VPS53: variants seen among roughly 807,000 people sequenced by gnomAD.
VPS53 encodes vacuolar protein sorting-associated protein 53 homolog.
VPS53 carries 70 observed loss-of-function variants against 107.0 expected under a neutral mutation model. That is an observed-to-expected ratio of 0.65 (90% CI 0.54 to 0.80). The LOEUF is 0.80. VPS53 is among the 30% of genes least tolerant of loss of function. The pLI is 0.00. For synonymous variants in VPS53, 409 were observed against 393.3 expected (o/e 1.04, Z -0.47); for missense variants, 917 against 1,049.4 (o/e 0.87, Z 1.74).
At chr17:710,124 G>A (rs1042786357) in intron 2 of VPS53, among the ~76,000 whole-genome samples, 6 of 152,010 alleles carry the variant, frequency 3.9e-5, no homozygotes, top group African/African-American at 7.2e-5. Context: ...CAGCCTGAAC[G>A]ACAACAGCAA....
intron 4 of VPS53, among the ~76,000 whole-genome samples, chr17:677,208 T>C (rs1229518279): frequency 1.3e-5 from 2 of 152,144 alleles, no homozygotes; most frequent in Non-Finnish European, 2.9e-5. Flanking sequence ...CAAGTGTCCA[T>C]GGACAGATGA....
chr17:567,455 TGCGTAAGG>T (rs1007037688), intron 13 of VPS53, among the ~76,000 whole-genome samples: 2 of 151,902 alleles, frequency 1.3e-5, no homozygotes, highest in African/African-American at 4.8e-5. Context: ...CCAATGGGAA[TGCGTAAGG>T]CTCATTAGTT....
rs188581244 is a variant in VPS53, at chr17:609,972, A to T, written c.1117-8076T>A. On this transcript the variant is annotated intron_variant, in intron 11 of 21. Transcript: ENST00000437048. ...GTGAAACCGTCTCTACTAAAAATAT[A>T]AAAAAAAAAATTAGCCAGGCGTGGT... Among the ~76,000 whole-genome samples, 137 of 147,950 alleles carry T rather than the reference A, an allele frequency of 9.3e-4. 1 individual carries two copies. In the East Asian group the frequency reaches 0.024, roughly 25 times the overall value.
At chr17:522,273 C>G (rs1908820627) in intron 19 of VPS53, among the ~76,000 whole-genome samples, 1 of 152,168 alleles carries the variant, frequency 6.6e-6, no homozygotes, top group Admixed American at 6.5e-5. Flanking sequence ...CAAACCACAA[C>G]TCCTCCATAA....
intron 11 of VPS53, among the ~76,000 whole-genome samples, chr17:612,625 T>C (rs1206596634): frequency 3.3e-4 from 47 of 142,008 alleles, no homozygotes; most frequent in Admixed American, 1.4e-3. Context: ...CAAATATTCA[T>C]ATAGTGAGTT....
chr17:646,974 C>G lies in VPS53; in HGVS notation c.608+6317G>C, dbSNP rs190273497. Among the ~76,000 whole-genome samples the G allele has an allele frequency of 2.0e-4, 31 of 152,342 alleles. No individual in the cohort carries two copies. In the East Asian group the frequency reaches 6.0e-3, roughly 29 times the overall value. On this transcript the variant is annotated intron_variant, in intron 7 of 21. Coordinates refer to ENST00000437048, the MANE Select transcript of VPS53 (RefSeq NM_001128159.3). ...TAATCCACTAGACTTTTACAAAATA[C>G]AAGTGAGATCATGCCCCCCGCACTT...
intron 17 of VPS53, among the ~76,000 whole-genome samples, chr17:541,515 T>A (rs551676569): frequency 6.7e-6 from 1 of 150,328 alleles, no homozygotes; most frequent in Admixed American, 6.6e-5. Flanking sequence ...AAGCACCTAC[T>A]ACGCACTGAA....
At chr17:599,353 G>C (rs140628747) in intron 12 of VPS53, among the ~76,000 whole-genome samples, 1 of 152,196 alleles carries the variant, frequency 6.6e-6, no homozygotes, top group South Asian at 2.1e-4. Context: ...GATGGTTGCC[G>C]TGTCTGTGTA....
intron 2 of VPS53, among the ~76,000 whole-genome samples, chr17:706,965 C>T (rs1279708850): frequency 2.0e-5 from 3 of 152,140 alleles, no homozygotes; most frequent in Non-Finnish European, 2.9e-5. Flanking sequence ...ATTTTAAAAA[C>T]GTGAATGTGC....
chr17:653,907 G>A lies in VPS53; in HGVS notation c.489-497C>T, dbSNP rs139608048. Among the ~76,000 whole-genome samples, 84 of 152,226 alleles carry A rather than the reference G, an allele frequency of 5.5e-4. 1 individual carries two copies. The highest frequency in any genetic ancestry group is 2.0e-3 in the African/African-American group (83 of 41,554). On this transcript the variant is annotated intron_variant, in intron 6 of 21. Coordinates refer to ENST00000437048, the MANE Select transcript of VPS53 (RefSeq NM_001128159.3). ...CGCGGTGGCTCAGCCTGTCATCCCC[G>A]CGCTGTGGGAGGCCGAGGTGGCTCA...
intron 18 of VPS53, 113 bp downstream of exon 18, chr17:536,915 C>A (rs1404727589): frequency 1.5e-6 from 2 of 1,377,394 alleles, no homozygotes; most frequent in East Asian, 5.0e-5. Flanking sequence ...GTCAGGTACA[C>A]GGGAAATCTC....
At position 560,537 on chromosome 17, in the gene VPS53, G is replaced by A. The variant is rs1912845753; in HGVS notation, c.1593C>T (p.Ser531=). 6.2e-7 allele frequency: 1 copy of A among 1,613,918 alleles called. No individual in the cohort carries two copies. Among genetic ancestry groups the A allele is most frequent in the African/African-American group, 1.3e-5 (1 of 74,896 alleles). ...CTGAGCCCTCCTTTTCCTTGAGGAG[G>A]CTGCTGATAGTCAGTCCTCCACTGC... ...TTSSGGLTIS[S]LLKEKEGSEV... is the part of the protein sequence containing the mutation. Residue 531 remains serine, a synonymous_variant, in exon 15 of 22, where the codon AGC becomes AGT. Coordinates refer to ENST00000437048, the MANE Select transcript of VPS53 (RefSeq NM_001128159.3).
Position 631,638 on chromosome 17 carries a change from A to G in VPS53, c.609-10T>C, listed in dbSNP as rs749022278. The G allele has an allele frequency of 2.5e-6, 4 of 1,613,222 alleles. No individual in the cohort carries two copies. Among genetic ancestry groups the G allele is most frequent in the Non-Finnish European group, 3.4e-6 (4 of 1,179,228 alleles). ...CTGTGCAGCCTTCACTCTGTGAGGAAGAGAGAACATATCATCACCTGGCAT... is the reference window on the plus strand; with the variant it reads ...CTGTGCAGCCTTCACTCTGTGAGGAGGAGAGAACATATCATCACCTGGCAT... On this transcript the variant is annotated splice_polypyrimidine_tract_variant and intron_variant, in intron 7 of 21. Coordinates refer to ENST00000437048, the MANE Select transcript of VPS53 (RefSeq NM_001128159.3).
rs76275894 is a variant in VPS53 at position 669,230 on chromosome 17, C to T, written c.286-7335G>A. 1.8e-3 allele frequency among the ~76,000 whole-genome samples: 272 copies of T among 152,276 alleles called. 4 individuals carry two copies. In the East Asian group the frequency reaches 0.041, roughly 23 times the overall value. ...TTTAAGAAACACAAAAATACCTTCACTACCTGGCTAATCAGAAATGTGCTG... is the reference window on the plus strand; with the variant it reads ...TTTAAGAAACACAAAAATACCTTCATTACCTGGCTAATCAGAAATGTGCTG... On this transcript the variant is annotated intron_variant, in intron 4 of 21. Transcript: ENST00000437048.
intron 7 of VPS53, among the ~76,000 whole-genome samples, chr17:648,737 T>G (rs1209866154): frequency 2.0e-5 from 3 of 146,918 alleles, no homozygotes; most frequent in African/African-American, 7.5e-5. Flanking sequence ...ACTGAAGATC[T>G]TACACTATAG....
chr17:661,911 TACATGAAAA>T lies in VPS53; in HGVS notation c.286-25_286-17del, dbSNP rs762124015. On this transcript the variant is annotated splice_polypyrimidine_tract_variant and intron_variant, in intron 4 of 21. Transcript: ENST00000437048. ...CTTCAAGCGCCTAGAGTAAGGGAAATACATGAAAAACAAAAAGTGGCTAGAGACAGCTCC... is the reference window on the plus strand; with the variant it reads ...CTTCAAGCGCCTAGAGTAAGGGAAATACAAAAAGTGGCTAGAGACAGCTCC... 5.2e-6 allele frequency: 8 copies of T among 1,548,808 alleles called. No individual in the cohort carries two copies. The highest frequency in any genetic ancestry group is 6.1e-6 in the Non-Finnish European group (7 of 1,145,660).
chr17:563,506 C>T (rs1270584230), intron 13 of VPS53, among the ~76,000 whole-genome samples: 1 of 152,138 alleles, frequency 6.6e-6, no homozygotes, highest in East Asian at 1.9e-4. Context: ...GTTGCCCAGG[C>T]TGGTCTCGAC....
chr17:684,327 T>A (rs1225469301), intron 4 of VPS53, among the ~76,000 whole-genome samples: 1 of 151,962 alleles, frequency 6.6e-6, no homozygotes, highest in Non-Finnish European at 1.5e-5. Context: ...AAAAAAAAAA[T>A]TCCTGAAACT....
chr17:569,714 T>C (rs1913860804), intron 13 of VPS53, among the ~76,000 whole-genome samples: 1 of 150,716 alleles, frequency 6.6e-6, no homozygotes, highest in Non-Finnish European at 1.5e-5. Context: ...AGGTCAGGAG[T>C]TCCAAACCAG....
Sources: allele counts gnomAD v4.1 joint callset (sites outside exome capture counted in the v4.1 genomes callset), GRCh38; gene constraint gnomAD v4.1.1; transcripts MANE v1.5; gene names NCBI Gene and HGNC (gene_info 2026-07-23, HGNC 2026-07-21).